BRCA1: variants seen among roughly 807,000 people sequenced by gnomAD.
BRCA1 encodes breast cancer type 1 susceptibility protein.
A neutral mutation model predicts 173.7 loss-of-function variants in BRCA1; 140 were observed. The observed-to-expected ratio is 0.81, with a 90% CI of 0.70 to 0.93. The LOEUF is 0.93. Ranked by LOEUF, BRCA1 falls within the 40% of genes least tolerant of loss-of-function variation. BRCA1 has a pLI of 0.00. For synonymous variants in BRCA1, 662 were observed against 756.0 expected, an observed-to-expected ratio of 0.88 and a Z score of 2.04; for missense variants, 1,983 against 2,172.5, an observed-to-expected ratio of 0.91 and a Z score of 1.73.
chr17:43,066,204 C>G (rs2052062311), intron 16 of BRCA1, among the ~76,000 whole-genome samples: 1 of 152,056 alleles, frequency 6.6e-6, no homozygotes, highest in Non-Finnish European at 1.5e-5. Context: ...CTAAAAACAC[C>G]CAGAGGTCTC....
intron 6 of BRCA1, among the ~76,000 whole-genome samples, chr17:43,103,445 C>T (rs371567044): frequency 1.1e-4 from 16 of 144,316 alleles, no homozygotes; most frequent in Admixed American, 5.1e-4. Flanking sequence ...CCAGCCTGGG[C>T]GACAGAGCGA....
chr17:43,063,932 T>C lies in BRCA1; in HGVS notation c.5094A>G (p.Glu1698=), dbSNP rs764891781. Residue 1698 remains glutamate (E), a synonymous_variant, in exon 17 of 23, where the codon GAA becomes GAG. Coordinates refer to ENST00000357654, the MANE Select transcript of BRCA1 (RefSeq NM_007294.4). ...TTCCTAGAAAATATTTCAGTGTCCG[T>C]TCACACACAAACTCAGCATCTGCAG... The part of the protein sequence containing the change: ...VMKTDAEFVC[E]RTLKYFLGIA... The C allele has an allele frequency of 2.5e-6, 4 of 1,614,072 alleles. No individual in the cohort carries two copies. The highest frequency in any genetic ancestry group is 3.4e-6 in the Non-Finnish European group (4 of 1,179,996).
intron 12 of BRCA1, among the ~76,000 whole-genome samples, chr17:43,077,207 A>G (rs1053907224): frequency 2.0e-5 from 3 of 152,312 alleles, no homozygotes; most frequent in South Asian, 2.1e-4. Context: ...AAACCAACAC[A>G]TACACAAAAA....
intron 4 of BRCA1, among the ~76,000 whole-genome samples, chr17:43,105,241 T>A (rs543150283): frequency 4.0e-4 from 61 of 152,262 alleles, no homozygotes; most frequent in African/African-American, 1.4e-3. Flanking sequence ...AGAGTACTTT[T>A]TTTTTTGTTT....
chr17:43,105,027 A>C, intron 4 of BRCA1, 71 bp from the exon 5 acceptor site: 2 of 1,222,156 alleles, frequency 1.6e-6, no homozygotes, highest in South Asian at 2.4e-5. Context: ...TAAAATAAGA[A>C]AAGACATGTA....
At chr17:43,141,340 A>C (rs1354774401) in intron 1 of BRCA1, among the ~76,000 whole-genome samples, 1 of 152,118 alleles carries the variant, frequency 6.6e-6, no homozygotes, top group Non-Finnish European at 1.5e-5. Context: ...ATGGTGGTGC[A>C]TGCCTGTAGA....
At position 43,124,067 on chromosome 17, in the gene BRCA1, T is replaced by A. The variant is rs2055737161; in HGVS notation, c.30A>T (p.Glu10Asp). MDLSALRVE[E>D]VQNVINAMQK... ...GCATAGCATTAATGACATTTTGTAC[T>A]TCTTCAACGCGAAGAGCAGATAAAT... Residue 10 changes from glutamate (E) to aspartate (D), a missense_variant, in exon 2 of 23, where the codon GAA (glutamate) becomes GAT (aspartate). Coordinates refer to ENST00000357654, the MANE Select transcript of BRCA1 (RefSeq NM_007294.4). The A allele has an allele frequency of 6.2e-7, 1 of 1,613,908 alleles. No homozygotes were observed. Among genetic ancestry groups the A allele is most frequent in the Non-Finnish European group, 8.5e-7 (1 of 1,179,804 alleles).
chr17:43,100,683 A>AT lies in BRCA1; in HGVS notation c.442-804dup, dbSNP rs1567807807. On this transcript the variant is annotated intron_variant, in intron 6 of 22. Coordinates refer to ENST00000357654, the MANE Select transcript of BRCA1 (RefSeq NM_007294.4). ...ATATATATATATATATATATAATATATATATATATATATATATATGTAATC... is the reference window on the plus strand; with the variant it reads ...ATATATATATATATATATATAATATATTATATATATATATATATATGTAATC... Among the ~76,000 whole-genome samples, 28 of 72,216 alleles carry AT rather than the reference A, an allele frequency of 3.9e-4. 1 individual carries two copies. The African/African-American group carries it at 4.4e-3, about 11-fold the overall frequency. The allele number at this position is 72,216 out of a possible 152,430, so 47.4% of individuals were successfully genotyped here.
At chr17:43,116,712 G>T (rs2055312956) in intron 2 of BRCA1, among the ~76,000 whole-genome samples, 1 of 152,158 alleles carries the variant, frequency 6.6e-6, no homozygotes, top group South Asian at 2.1e-4. Flanking sequence ...TAGAGTTGGG[G>T]TTTCACCATG....
upstream of BRCA1, among the ~76,000 whole-genome samples, chr17:43,126,252 C>T (rs1428470710): frequency 6.6e-6 from 1 of 152,186 alleles, no homozygotes; most frequent in Non-Finnish European, 1.5e-5. Flanking sequence ...GCCCCGTCTC[C>T]GTCGACGCAA....
rs80358040 is a variant in BRCA1, at chr17:43,049,112, A to G, written c.5406+9T>C. The G allele has an allele frequency of 1.2e-6, 2 of 1,613,066 alleles. No individual in the cohort carries two copies. The highest frequency in any genetic ancestry group is 1.3e-5 in the African/African-American group (1 of 74,988). The stretch of plus-strand genomic sequence containing the variant: ...GTCCTCCCTCTCTGACAGGGCACCC[A>G]ATACTTACTGTGCCAAGGGTGAATG... On this transcript the variant is annotated intron_variant, in intron 21 of 22. Transcript: ENST00000357654.
upstream of BRCA1, among the ~76,000 whole-genome samples, chr17:43,126,961 C>T (rs1387994991): frequency 9.9e-5 from 15 of 152,280 alleles, no homozygotes; most frequent in East Asian, 1.2e-3. Flanking sequence ...GCCTAGCACC[C>T]GGGCCAGCAG....
At chr17:43,131,749 ATTTTC>A (rs1002024116) in intron 1 of BRCA1, among the ~76,000 whole-genome samples, 4 of 150,584 alleles carry the variant, frequency 2.7e-5, no homozygotes, top group African/African-American at 9.8e-5. Context: ...TCAGCTTTTT[ATTTTC>A]TTTTCTTTTC....
At chr17:43,052,981 A>C (rs1355922776) in intron 19 of BRCA1, among the ~76,000 whole-genome samples, 1 of 150,162 alleles carries the variant, frequency 6.7e-6, no homozygotes, top group Non-Finnish European at 1.5e-5. Context: ...GGTTCAAGTG[A>C]TTCTCCTGCC....
intron 1 of BRCA1, among the ~76,000 whole-genome samples, chr17:43,136,480 C>G (rs2096063907): frequency 6.6e-6 from 1 of 152,100 alleles, no homozygotes; most frequent in Non-Finnish European, 1.5e-5. Flanking sequence ...AAAGAAACTA[C>G]CATCAGAGTG....
At chr17:43,135,496 G>A (rs1298170330) in intron 1 of BRCA1, among the ~76,000 whole-genome samples, 4 of 152,230 alleles carry the variant, frequency 2.6e-5, no homozygotes, top group Admixed American at 2.0e-4. Context: ...AGCTTATTGA[G>A]CTATCATGTC....
chr17:43,118,387 T>G (rs2055392887), intron 2 of BRCA1, among the ~76,000 whole-genome samples: 1 of 152,128 alleles, frequency 6.6e-6, no homozygotes, highest in African/African-American at 2.4e-5. Flanking sequence ...AATTTTCTTT[T>G]TTTTTTTCAG....
intron 1 of BRCA1, among the ~76,000 whole-genome samples, chr17:43,135,062 C>A (rs558558609): frequency 6.6e-6 from 1 of 152,246 alleles, no homozygotes; most frequent in Non-Finnish European, 1.5e-5. Flanking sequence ...CTTTCCCAGC[C>A]CCTGGCTTTG....
chr17:43,053,478 CA>C (rs2051334021), intron 19 of BRCA1, among the ~76,000 whole-genome samples: 2 of 151,914 alleles, frequency 1.3e-5, no homozygotes, highest in South Asian at 4.2e-4. Context: ...CCGTCTAACA[CA>C]GTGAAAACCC....
Sources: gnomAD v4.1 joint callset for allele counts (sites outside exome capture counted in the v4.1 genomes callset) on GRCh38, gnomAD v4.1.1 for gene constraint, MANE v1.5 for transcripts, NCBI Gene and HGNC (gene_info 2026-07-23, HGNC 2026-07-21) for gene names.